Variants in NOVA2 observed in about 807,000 individuals in gnomAD.
NOVA2 encodes the protein NOVA alternative splicing regulator 2, also known as RNA-binding protein Nova-2.
NOVA2 carries 9 observed loss-of-function variants against 22.5 expected under a neutral mutation model. The ratio of observed to expected loss-of-function variants is 0.40; its 90% confidence interval spans 0.24 to 0.70. NOVA2 has a LOEUF of 0.70. NOVA2 is among the 30% of genes least tolerant of loss of function. The pLI, the probability that NOVA2 is intolerant of heterozygous loss-of-function variation, is 0.38. For missense variants in NOVA2, 383 were observed against 682.8 expected (o/e 0.56, Z 4.89); for synonymous variants, 318 against 335.2 (o/e 0.95, Z 0.56).
chr19:45,951,862 A>G (rs560522454), intron 3 of NOVA2, among the ~76,000 whole-genome samples: 100 of 152,242 alleles, frequency 6.6e-4, no homozygotes, highest in African/African-American at 2.4e-3. Context: ...TAAAAAATTT[A>G]TGGCTTCTTT....
intron 2 of NOVA2, among the ~76,000 whole-genome samples, chr19:45,957,317 T>A (rs951240791): frequency 6.6e-6 from 1 of 152,032 alleles, no homozygotes; most frequent in African/African-American, 2.4e-5. Flanking sequence ...GGCGGGTGGA[T>A]CACCTGAGGT....
chr19:45,969,744 G>A (rs1273393545), intron 1 of NOVA2, among the ~76,000 whole-genome samples: 1 of 152,018 alleles, frequency 6.6e-6, no homozygotes, highest in African/African-American at 2.4e-5. Flanking sequence ...CCAGACTGGG[G>A]TCATTTATTT....
chr19:45,972,482 C>T (rs1968245182), intron 1 of NOVA2, among the ~76,000 whole-genome samples: 1 of 152,118 alleles, frequency 6.6e-6, no homozygotes, highest in Non-Finnish European at 1.5e-5. Flanking sequence ...CACACACCCT[C>T]TCATGTGTCA....
Position 45,953,713 on chromosome 19 carries a change from T to C in NOVA2, c.396+67A>G, listed in dbSNP as rs1324932472. 6 of 1,573,974 alleles carry C rather than the reference T, an allele frequency of 3.8e-6. No individual in the cohort carries two copies. In the African/African-American group the frequency reaches 5.4e-5, roughly 14 times the overall value. On this transcript the variant is annotated intron_variant, in intron 3 of 3. Transcript: ENST00000263257. ...CATTGAACCTCACAGTAAGCAGTGA[T>C]GTGGGAGGAATGTTTCTTTGTGAAT...
chr19:45,965,080 C>T (rs2146426201), intron 1 of NOVA2, among the ~76,000 whole-genome samples: 1 of 152,184 alleles, frequency 6.6e-6, no homozygotes, highest in East Asian at 1.9e-4. Context: ...TCATCCTGAC[C>T]CCTACTGAAT....
At chr19:45,946,018 A>C (rs1243719301) in intron 3 of NOVA2, among the ~76,000 whole-genome samples, 2 of 150,806 alleles carry the variant, frequency 1.3e-5, no homozygotes, top group African/African-American at 4.9e-5. Context: ...AAAAAAAAAA[A>C]AAAAGGCCAG....
In NOVA2 at chr19:45,938,699, C is replaced by T. The variant is rs1967694153; in HGVS notation, c.*1164G>A. On this transcript the variant is annotated 3_prime_UTR_variant, in exon 4 of 4. Coordinates refer to ENST00000263257, the MANE Select transcript of NOVA2 (RefSeq NM_002516.4). Reference sequence around the variant, plus strand: ...AATATTGGTTTTTTTCCGTTAGAGTCCTCCAGATTGGATCCAAGTCCCGTG... The same window carrying T: ...AATATTGGTTTTTTTCCGTTAGAGTTCTCCAGATTGGATCCAAGTCCCGTG... 1 of 152,182 alleles carries T rather than the reference C, an allele frequency of 6.6e-6. No individual in the cohort carries two copies. Among genetic ancestry groups the T allele is most frequent in the Admixed American group, 6.5e-5 (1 of 15,272 alleles). The allele number at this position is 152,182 out of a possible 1,614,324, so 9.4% of individuals were successfully genotyped here. A position where few individuals can be genotyped will look rare whatever the true frequency, so the allele number is the denominator to read the frequency against.
intron 2 of NOVA2, among the ~76,000 whole-genome samples, chr19:45,960,591 G>A (rs944329338): frequency 4.0e-5 from 6 of 151,852 alleles, no homozygotes; most frequent in African/African-American, 1.2e-4. Context: ...GAGAAAACCA[G>A]TGAGACTGGG....
intron 3 of NOVA2, among the ~76,000 whole-genome samples, chr19:45,942,227 T>C: frequency 6.6e-6 from 1 of 152,168 alleles, no homozygotes; most frequent in Admixed American, 6.5e-5. Context: ...AATTTGACTA[T>C]ATTTGGAGAG....
Position 45,952,189 on chromosome 19 carries a change from A to T in NOVA2, c.396+1591T>A, listed in dbSNP as rs576726191. On this transcript the variant is annotated intron_variant, in intron 3 of 3. Transcript: ENST00000263257. ...AAAAATCCCATAATAACAACAGAGA[A>T]CATTTTTGGGGCTAACTTTCTATGC... 2.0e-3 allele frequency among the ~76,000 whole-genome samples: 309 copies of T among 152,210 alleles called. 2 individuals are homozygous for T. The highest frequency in any genetic ancestry group is 3.7e-3 in the Non-Finnish European group (252 of 68,036).
chr19:45,967,341 G>A (rs1221887540), intron 1 of NOVA2: 4 of 152,104 alleles, frequency 2.6e-5, no homozygotes, highest in Non-Finnish European at 5.9e-5. Context: ...AGCTGAACTC[G>A]GAGCCCTCAG....
At chr19:45,962,113 A>T (rs1430202110) in intron 1 of NOVA2, among the ~76,000 whole-genome samples, 2 of 152,142 alleles carry the variant, frequency 1.3e-5, no homozygotes, top group East Asian at 3.9e-4. Context: ...GATGCCCATG[A>T]GGGGAGCAGA....
intron 1 of NOVA2, among the ~76,000 whole-genome samples, chr19:45,972,721 C>T (rs999728835): frequency 1.3e-5 from 2 of 152,064 alleles, no homozygotes; most frequent in Admixed American, 6.6e-5. Context: ...CATTCTCCCA[C>T]CTAGCTTTAC....
At chr19:45,942,668 A>G (rs904013095) in intron 3 of NOVA2, among the ~76,000 whole-genome samples, 2 of 151,686 alleles carry the variant, frequency 1.3e-5, no homozygotes, top group African/African-American at 4.8e-5. Flanking sequence ...TGGGACGGGA[A>G]CTCTCCAGGA....
At chr19:45,953,398 T>C (rs1967955829) in intron 3 of NOVA2, among the ~76,000 whole-genome samples, 1 of 152,182 alleles carries the variant, frequency 6.6e-6, no homozygotes, top group Non-Finnish European at 1.5e-5. Context: ...TGGATGTGGC[T>C]GAACTGTCAC....
chr19:45,969,782 C>T (rs1037304092), intron 1 of NOVA2, among the ~76,000 whole-genome samples: 4 of 152,074 alleles, frequency 2.6e-5, no homozygotes, highest in East Asian at 1.9e-4. Context: ...CTAGAGTTTC[C>T]GTCCAACCTC....
chr19:45,969,882 GCCACCATCTCCT>G (rs1373629721), intron 1 of NOVA2, among the ~76,000 whole-genome samples: 1 of 152,156 alleles, frequency 6.6e-6, no homozygotes, highest in Non-Finnish European at 1.5e-5. Flanking sequence ...AGTGTGAACT[GCCACCATCTCCT>G]CCACTTCTCC....
At chr19:45,957,858 G>C (rs1007799661) in intron 2 of NOVA2, among the ~76,000 whole-genome samples, 1 of 152,026 alleles carries the variant, frequency 6.6e-6, no homozygotes, top group African/African-American at 2.4e-5. Flanking sequence ...TAGCACTTTG[G>C]GAGGCCGAGG....
At chr19:45,967,529 T>C (rs1353619119) in intron 1 of NOVA2, 3 of 152,352 alleles carry the variant, frequency 2.0e-5, no homozygotes, top group Non-Finnish European at 2.9e-5. Flanking sequence ...TCTGAAGAAC[T>C]GAAGATAGCA....
Sources: gnomAD v4.1 joint callset for allele counts (sites outside exome capture counted in the v4.1 genomes callset) on GRCh38, gnomAD v4.1.1 for gene constraint, MANE v1.5 for transcripts, NCBI Gene and HGNC (gene_info 2026-07-23, HGNC 2026-07-21) for gene names.